Variants in FRK observed in about 807,000 individuals in gnomAD.
FRK encodes tyrosine-protein kinase FRK.
In FRK, 51 loss-of-function variants were observed where a neutral mutation model predicts 56.4. That is an observed-to-expected ratio of 0.90 (90% CI 0.72 to 1.14). FRK has a LOEUF of 1.14. Ranked by LOEUF, FRK falls within the 50% of genes most tolerant of loss-of-function variation. The pLI is 0.00. For synonymous variants in FRK, 245 were observed against 217.9 expected (o/e 1.12, Z -1.10); for missense variants, 570 against 601.4 (o/e 0.95, Z 0.55).
intron 2 of FRK, among the ~76,000 whole-genome samples, chr6:115,976,962 A>G (rs901158898): frequency 3.3e-5 from 5 of 152,140 alleles, no homozygotes; most frequent in Non-Finnish European, 4.4e-5. Context: ...AGTGGCTACC[A>G]AGCATATTAA....
rs1459843380 is a variant in FRK at position 115,941,447 on chromosome 6, CA to C, written c.*966del. 1.3e-5 allele frequency: 2 copies of C among 152,150 alleles called. No individual in the cohort carries two copies. Among genetic ancestry groups the C allele is most frequent in the East Asian group, 3.9e-4 (2 of 5,178 alleles). 9.4% of individuals were successfully genotyped at this position (152,150 alleles called of 1,614,324 possible). On this transcript the variant is annotated 3_prime_UTR_variant, in exon 8 of 8. Transcript: ENST00000606080. ...CCATGGCACTTGTACACCTATGTAA[CA>C]AAACTGCACATTCTGCACATGCACC...
In FRK at chr6:116,021,326, T is replaced by C. The variant is rs1008473600; in HGVS notation, c.345-17328A>G. Among the ~76,000 whole-genome samples the C allele has an allele frequency of 4.6e-5, 7 of 152,150 alleles. No individual in the cohort carries two copies. In the South Asian group the frequency reaches 8.3e-4, roughly 18 times the overall value. On this transcript the variant is annotated intron_variant, in intron 1 of 7. Coordinates refer to ENST00000606080, the MANE Select transcript of FRK (RefSeq NM_002031.3). ...CATACATCATTTTGATGTCAGATAA[T>C]TGGAGAAATATATTTTAAGAGAAAT...
chr6:115,956,761 C>T (rs140670243), intron 4 of FRK, 151 bp from the exon 5 acceptor site: 2 of 566,748 alleles, frequency 3.5e-6, no homozygotes, highest in African/African-American at 3.8e-5. Context: ...AAAAGAGAAT[C>T]AGTTCAGCCA....
At chr6:116,039,599 C>T in intron 1 of FRK, 1 of 783,780 alleles carries the variant, frequency 1.3e-6, no homozygotes, top group South Asian at 1.4e-5. Flanking sequence ...GTGTCATCTG[C>T]CCCCTCTTGC....
chr6:116,060,296 G>A lies in FRK; in HGVS notation c.16C>T (p.Gln6Ter), dbSNP rs764391601. The A allele has an allele frequency of 6.2e-7, 1 of 1,613,412 alleles. No homozygotes were observed. Residue 6 changes from glutamine (Q) to a stop codon, truncating the protein, a stop_gained, in exon 1 of 8, where the codon CAG becomes TAG. Transcript: ENST00000606080. LOFTEE classifies it high-confidence loss of function. ...GGTTCTAGGTACTCCCAGAGCCTCT[G>A]ACAGATGTTGCTCATTGTGCCTTGG... MSNIC[Q>*]RLWEYLEPYL... is the part of the protein sequence containing the mutation.
intron 2 of FRK, among the ~76,000 whole-genome samples, chr6:115,982,889 T>C (rs536422395): frequency 5.7e-4 from 86 of 152,136 alleles, no homozygotes; most frequent in East Asian, 4.1e-3. Flanking sequence ...CTAGCCAATA[T>C]GGTGAAAACC....
chr6:115,993,120 G>C (rs367611237), intron 2 of FRK, among the ~76,000 whole-genome samples: 9 of 151,752 alleles, frequency 5.9e-5, no homozygotes, highest in Non-Finnish European at 1.3e-4. Flanking sequence ...AAGTTGAGGT[G>C]ACATGATATC....
At chr6:116,012,024 C>T (rs903158775) in intron 1 of FRK, among the ~76,000 whole-genome samples, 1 of 152,108 alleles carries the variant, frequency 6.6e-6, no homozygotes, top group Non-Finnish European at 1.5e-5. Context: ...TTCATTCCTT[C>T]CTTTCCATTT....
intron 4 of FRK, among the ~76,000 whole-genome samples, chr6:115,962,332 A>G (rs1358383334): frequency 6.6e-6 from 1 of 151,612 alleles, no homozygotes; most frequent in African/African-American, 2.4e-5. Context: ...GATCAATTCA[A>G]CAAGAGAGGC....
intron 5 of FRK, among the ~76,000 whole-genome samples, chr6:115,951,095 GCA>G (rs898169501): frequency 2.0e-5 from 3 of 152,030 alleles, no homozygotes; most frequent in African/African-American, 7.3e-5. Context: ...GAGCAGCAAA[GCA>G]CCATTGCATG....
chr6:116,019,499 A>C (rs2114731584), intron 1 of FRK, among the ~76,000 whole-genome samples: 1 of 152,330 alleles, frequency 6.6e-6, no homozygotes, highest in East Asian at 1.9e-4. Flanking sequence ...GACGATGACA[A>C]TTATAACAAT....
At chr6:116,056,954 T>C (rs1030264124) in intron 1 of FRK, among the ~76,000 whole-genome samples, 5 of 152,222 alleles carry the variant, frequency 3.3e-5, no homozygotes, top group African/African-American at 4.8e-5. Flanking sequence ...TTTTAAACAA[T>C]AGTTTGTTTT....
At chr6:116,090,054 A>G in the FRK span, among the ~76,000 whole-genome samples, 1 of 152,210 alleles carries the variant, frequency 6.6e-6, no homozygotes, top group Non-Finnish European at 1.5e-5. Context: ...TTTTAGCATT[A>G]AGAAGTTCCA....
chr6:116,011,449 T>C (rs983094463), intron 1 of FRK, among the ~76,000 whole-genome samples: 4 of 150,594 alleles, frequency 2.7e-5, no homozygotes, highest in Non-Finnish European at 5.9e-5. Context: ...CCTAAAAAAA[T>C]AAACTCTTAA....
At chr6:115,954,971 A>T (rs1772927544) in intron 5 of FRK, among the ~76,000 whole-genome samples, 1 of 152,224 alleles carries the variant, frequency 6.6e-6, no homozygotes, top group Admixed American at 6.5e-5. Flanking sequence ...ACTGTTAGTT[A>T]TTGCAGCATA....
Position 115,952,283 on chromosome 6 carries a change from T to C in FRK, c.958+4169A>G, listed in dbSNP as rs537416499. Among the ~76,000 whole-genome samples the C allele has an allele frequency of 2.6e-4, 39 of 152,272 alleles. No individual in the cohort carries two copies. The East Asian group carries it at 3.7e-3, about 14-fold the overall frequency. On this transcript the variant is annotated intron_variant, in intron 5 of 7. Transcript: ENST00000606080. ...TATGTCCTGAATGGTAATGCCTAGG[T>C]TTTCTTCCAGGGTTTTTATGGTTTT... is the stretch of plus-strand genomic sequence containing the variant.
At chr6:115,967,749 T>TTAA in intron 3 of FRK, 30 bp from the exon 4 acceptor site, 1 of 1,210,730 alleles carries the variant, frequency 8.3e-7, no homozygotes, top group South Asian at 2.0e-5. Context: ...GAGCAATTGT[T>TTAA]AAAAAAAAAA....
At chr6:115,955,728 G>C (rs1772957056) in intron 5 of FRK, among the ~76,000 whole-genome samples, 2 of 152,104 alleles carry the variant, frequency 1.3e-5, no homozygotes, top group South Asian at 4.2e-4. Flanking sequence ...ATTCCACCCT[G>C]ACATTTCAAG....
At chr6:116,063,878 G>C (rs77279384), upstream of FRK, among the ~76,000 whole-genome samples, 3 of 152,044 alleles carry the variant, frequency 2.0e-5, no homozygotes, top group Non-Finnish European at 2.9e-5. Flanking sequence ...AGGCTGAAAG[G>C]CTAGGTAATT....
Sources: allele counts gnomAD v4.1 joint callset (sites outside exome capture counted in the v4.1 genomes callset), GRCh38; gene constraint gnomAD v4.1.1; transcripts MANE v1.5; gene names NCBI Gene and HGNC (gene_info 2026-07-23, HGNC 2026-07-21).